The following F13A1 variants were observed in gnomAD, a reference collection of about 807,000 sequenced individuals.
F13A1 encodes the protein FSF, A subunit.
In F13A1, 47 loss-of-function variants were observed where a neutral mutation model predicts 80.1. The observed-to-expected ratio is 0.59, with a 90% CI of 0.46 to 0.75. The LOEUF is 0.75. Among genes scored for constraint, F13A1 ranks in the 30% least tolerant of loss-of-function variants. The pLI, the probability that F13A1 is intolerant of heterozygous loss-of-function variation, is 0.00. For synonymous variants in F13A1, 349 were observed against 344.9 expected (o/e 1.01, Z -0.13); for missense variants, 817 against 930.4 (o/e 0.88, Z 1.59).
rs185970693 is a variant in F13A1 at position 6,170,903 on chromosome 6, G to A, written c.1748-3285C>T. 3.8e-4 allele frequency among the ~76,000 whole-genome samples: 58 copies of A among 152,238 alleles called. 1 individual carries two copies. The highest frequency in any genetic ancestry group is 1.3e-3 in the African/African-American group (52 of 41,554). ...ACAGTTAATACCACCTGCCTGCAGG[G>A]CAAAGGAACAAAGAGTCTCCAGTTC... On this transcript the variant is annotated intron_variant, in intron 12 of 14. Transcript: ENST00000264870.
Position 6,162,444 on chromosome 6 carries a change from C to G in F13A1, c.1908+5014G>C, listed in dbSNP as rs1760592001. On this transcript the variant is annotated intron_variant, in intron 13 of 14. Coordinates refer to ENST00000264870, the MANE Select transcript of F13A1 (RefSeq NM_000129.4). This position sits in a 1 kb window ranked among gnomAD's most constrained non-coding sequence, Gnocchi z 4.2. ...TACAGTCTTAATTCTTGATGTCCCA[C>G]ACCACTCAAGTGTGTGTGATCTCTC... 6.6e-6 allele frequency among the ~76,000 whole-genome samples: 1 copy of G among 152,194 alleles called. No individual in the cohort carries two copies. The highest frequency in any genetic ancestry group is 2.1e-4 in the South Asian group (1 of 4,826).
chr6:6,262,826 C>A (rs1373497799), intron 4 of F13A1, among the ~76,000 whole-genome samples: 2 of 152,272 alleles, frequency 1.3e-5, no homozygotes, highest in Admixed American at 1.3e-4. Context: ...GAGTAGATAG[C>A]CCCACCCATC....
intron 3 of F13A1, among the ~76,000 whole-genome samples, chr6:6,296,887 C>T (rs1391715991): frequency 1.3e-5 from 2 of 148,688 alleles, no homozygotes; most frequent in Non-Finnish European, 2.9e-5. Flanking sequence ...GTGGGTTTGT[C>T]ATAGATAGCT....
At chr6:6,200,999 G>A (rs1011846426) in intron 8 of F13A1, among the ~76,000 whole-genome samples, 2 of 152,118 alleles carry the variant, frequency 1.3e-5, no homozygotes, top group Admixed American at 6.5e-5. Context: ...AGGACCCAGG[G>A]AAAAACAGCA....
intron 4 of F13A1, among the ~76,000 whole-genome samples, chr6:6,259,897 G>A (rs1414917088): frequency 1.3e-5 from 2 of 152,190 alleles, no homozygotes; most frequent in Admixed American, 6.5e-5. Flanking sequence ...ACTAGGCACA[G>A]ATATCAGAAA....
chr6:6,287,997 T>C (rs1273954573), intron 3 of F13A1, among the ~76,000 whole-genome samples: 1 of 152,210 alleles, frequency 6.6e-6, no homozygotes, highest in East Asian at 1.9e-4. Context: ...TGTGCGTGTG[T>C]AGATGTTTTT....
chr6:6,191,491 C>T (rs1157667485), intron 10 of F13A1, among the ~76,000 whole-genome samples: 1 of 152,194 alleles, frequency 6.6e-6, no homozygotes, highest in African/African-American at 2.4e-5. Context: ...AGTACAGGCA[C>T]TTCCTACATA....
At chr6:6,164,165 G>T (rs1760623554) in intron 13 of F13A1, among the ~76,000 whole-genome samples, 1 of 151,926 alleles carries the variant, frequency 6.6e-6, no homozygotes, top group South Asian at 2.1e-4. Flanking sequence ...CATGAACATA[G>T]ATATGGCCAA....
chr6:6,193,801 T>C (rs1405136998), intron 10 of F13A1, among the ~76,000 whole-genome samples: 1 of 152,188 alleles, frequency 6.6e-6, no homozygotes, highest in Non-Finnish European at 1.5e-5. Context: ...CAGAGTGATC[T>C]CCTCATTAGG....
chr6:6,231,225 G>A (rs1757348122), intron 6 of F13A1, among the ~76,000 whole-genome samples: 2 of 152,042 alleles, frequency 1.3e-5, no homozygotes, highest in African/African-American at 4.8e-5. Flanking sequence ...ATAGCTTAAA[G>A]AAAAAACAAG....
chr6:6,165,829 C>A (rs923787604), intron 13 of F13A1, among the ~76,000 whole-genome samples: 1 of 152,274 alleles, frequency 6.6e-6, no homozygotes, highest in Non-Finnish European at 1.5e-5. Context: ...GCCTGCCAAC[C>A]CTGCACAGCC....
Position 6,237,025 on chromosome 6 carries a change from G to A in F13A1, c.798+11287C>T, listed in dbSNP as rs921676302. ...TTTGCAAAAGAAACTCAGTAGTTACGGTGTTGTGGGGTGGGGCAGGTGAGA... is the reference window on the plus strand; with the variant it reads ...TTTGCAAAAGAAACTCAGTAGTTACAGTGTTGTGGGGTGGGGCAGGTGAGA... On this transcript the variant is annotated intron_variant, in intron 6 of 14. Transcript: ENST00000264870. 5.3e-5 allele frequency among the ~76,000 whole-genome samples: 8 copies of A among 152,086 alleles called. No homozygotes were observed. The East Asian group carries it at 1.2e-3, about 22-fold the overall frequency.
intron 3 of F13A1, among the ~76,000 whole-genome samples, chr6:6,295,483 C>T (rs1469960074): frequency 6.8e-6 from 1 of 147,840 alleles, no homozygotes; most frequent in Non-Finnish European, 1.5e-5. Flanking sequence ...ATTTGCATTT[C>T]TCTGATGGCC....
chr6:6,318,578 T>A lies in F13A1; in HGVS notation c.87A>T (p.Thr29=). ...NSNAAEDDLP[T]VELQGVVPRG... ...GGGGCACCACGCCCTGAAGCTCCAC[T>A]GTGGGCAGGTCATCTTCCGCTGCAT... The change falls in exon 2 of 15, where the codon ACA becomes ACT. Residue 29 remains threonine, a synonymous_variant. Transcript: ENST00000264870. 6.2e-7 allele frequency: 1 copy of A among 1,613,076 alleles called. No homozygotes were observed. Among genetic ancestry groups the A allele is most frequent in the Non-Finnish European group, 8.5e-7 (1 of 1,179,668 alleles).
chr6:6,301,622 C>G (rs1253667233), intron 3 of F13A1, among the ~76,000 whole-genome samples: 1 of 152,104 alleles, frequency 6.6e-6, no homozygotes, highest in African/African-American at 2.4e-5. Context: ...ATTGAGGGAA[C>G]AAAAGTAATA....
chr6:6,155,638 C>CA (rs1303599923), intron 13 of F13A1, among the ~76,000 whole-genome samples: 2 of 152,022 alleles, frequency 1.3e-5, no homozygotes, highest in Non-Finnish European at 2.9e-5. Flanking sequence ...AAAACCTACC[C>CA]AATGCTCGAC....
At chr6:6,313,333 CT>C (rs1226942227) in intron 2 of F13A1, among the ~76,000 whole-genome samples, 2 of 139,904 alleles carry the variant, frequency 1.4e-5, no homozygotes, top group African/African-American at 5.4e-5. Flanking sequence ...GCAGCTCGCT[CT>C]TTCAAAGTGA....
At chr6:6,230,371 C>A (rs972523792) in intron 6 of F13A1, among the ~76,000 whole-genome samples, 2 of 152,080 alleles carry the variant, frequency 1.3e-5, no homozygotes, top group African/African-American at 4.8e-5. Context: ...CAGCCATAAT[C>A]CTCTTAGGTA....
At chr6:6,157,626 T>C (rs1760499045) in intron 13 of F13A1, among the ~76,000 whole-genome samples, 1 of 152,216 alleles carries the variant, frequency 6.6e-6, no homozygotes, top group African/African-American at 2.4e-5. Context: ...TAGATTTCTA[T>C]GCCAGAGTAA....
Sources: gnomAD v4.1 joint callset for allele counts (sites outside exome capture counted in the v4.1 genomes callset) on GRCh38, gnomAD v4.1.1 for gene constraint, Gnocchi (gnomAD v3.1) non-coding constraint, MANE v1.5 for transcripts, NCBI Gene and HGNC (gene_info 2026-07-23, HGNC 2026-07-21) for gene names.